PTPRR: variants seen among roughly 807,000 people sequenced by gnomAD.
PTPRR encodes receptor-type tyrosine-protein phosphatase R.
A neutral mutation model predicts 77.2 loss-of-function variants in PTPRR; 38 were observed. The ratio of observed to expected loss-of-function variants is 0.49; its 90% CI spans 0.38 to 0.65. The LOEUF (loss-of-function observed/expected upper bound fraction) is 0.65. Ranked by LOEUF, PTPRR falls within the 30% of genes least tolerant of loss-of-function variation. PTPRR has a pLI of 0.00. For missense variants in PTPRR, 744 were observed against 799.2 expected, an observed-to-expected ratio of 0.93 and a Z score of 0.83; for synonymous variants, 299 against 283.1, an observed-to-expected ratio of 1.06 and a Z score of -0.57.
intron 2 of PTPRR, among the ~76,000 whole-genome samples, chr12:70,832,019 A>G (rs574862343): frequency 3.3e-5 from 5 of 152,380 alleles, no homozygotes; most frequent in Non-Finnish European, 5.9e-5. Flanking sequence ...CTAAATAGAT[A>G]TAACTTTATC....
intron 1 of PTPRR, among the ~76,000 whole-genome samples, chr12:70,915,857 A>G (rs1893767623): frequency 6.6e-6 from 1 of 152,174 alleles, no homozygotes; most frequent in African/African-American, 2.4e-5. Flanking sequence ...TGCAAAAAGA[A>G]GAGACCAGAA....
chr12:70,713,105 C>T (rs1888891182), intron 6 of PTPRR, among the ~76,000 whole-genome samples: 1 of 152,172 alleles, frequency 6.6e-6, no homozygotes, highest in South Asian at 2.1e-4. Flanking sequence ...TGTAGATTTA[C>T]CTGCTTTGGA....
chr12:70,644,333 A>G (rs1886118765), intron 13 of PTPRR, among the ~76,000 whole-genome samples: 1 of 152,220 alleles, frequency 6.6e-6, no homozygotes, highest in African/African-American at 2.4e-5. Flanking sequence ...TTAGTTTACC[A>G]AAAAAGAGTA....
intron 2 of PTPRR, among the ~76,000 whole-genome samples, chr12:70,829,910 A>G (rs1207733148): frequency 6.6e-6 from 1 of 152,208 alleles, no homozygotes; most frequent in Non-Finnish European, 1.5e-5. Context: ...GGATACATTG[A>G]GCAGATACTT....
intron 6 of PTPRR, among the ~76,000 whole-genome samples, chr12:70,718,753 T>C (rs1486448769): frequency 1.3e-5 from 2 of 152,208 alleles, no homozygotes; most frequent in African/African-American, 4.8e-5. Context: ...GTAGATGAGG[T>C]GAAATGTTTA....
chr12:70,726,895 G>T (rs778865152), intron 6 of PTPRR, among the ~76,000 whole-genome samples: 1 of 151,996 alleles, frequency 6.6e-6, no homozygotes, highest in African/African-American at 2.4e-5. Context: ...TTTACAAAAT[G>T]CATTTCTTCC....
At chr12:70,782,630 T>C (rs1316523348) in intron 2 of PTPRR, among the ~76,000 whole-genome samples, 2 of 151,848 alleles carry the variant, frequency 1.3e-5, no homozygotes, top group South Asian at 2.1e-4. Context: ...ATAGTGGGAA[T>C]TGAACAATGA....
At chr12:70,772,108 A>G (rs1890991551) in intron 2 of PTPRR, among the ~76,000 whole-genome samples, 1 of 152,164 alleles carries the variant, frequency 6.6e-6, no homozygotes, top group Admixed American at 6.5e-5. Context: ...TACTGTATGT[A>G]TTTTCAAAAA....
intron 2 of PTPRR, 121 bp downstream of exon 2, chr12:70,892,558 G>A: frequency 2.6e-6 from 3 of 1,160,306 alleles, no homozygotes; most frequent in Non-Finnish European, 3.7e-6. Flanking sequence ...AATAAGTGCT[G>A]TGGTACATAC....
chr12:70,857,957 A>G (rs1416209112), intron 2 of PTPRR, among the ~76,000 whole-genome samples: 1 of 152,018 alleles, frequency 6.6e-6, no homozygotes, highest in Non-Finnish European at 1.5e-5. Context: ...TCCCTTCAAG[A>G]AAGGACTTGT....
chr12:70,694,937 T>C (rs1166643600), intron 8 of PTPRR, among the ~76,000 whole-genome samples: 2 of 152,232 alleles, frequency 1.3e-5, no homozygotes, highest in Admixed American at 6.5e-5. Context: ...TGTATGATTG[T>C]TTTTTCCTAC....
intron 10 of PTPRR, among the ~76,000 whole-genome samples, chr12:70,678,181 T>A (rs1566062160): frequency 6.6e-6 from 1 of 152,050 alleles, no homozygotes; most frequent in Non-Finnish European, 1.5e-5. Flanking sequence ...GCTGGGATTA[T>A]AGGCACGCAC....
chr12:70,910,596 A>G (rs1400471763), intron 1 of PTPRR, among the ~76,000 whole-genome samples: 1 of 152,200 alleles, frequency 6.6e-6, no homozygotes, highest in African/African-American at 2.4e-5. Flanking sequence ...GCTTCAGTTA[A>G]TGCTCAGATT....
intron 2 of PTPRR, among the ~76,000 whole-genome samples, chr12:70,839,280 TC>T (rs1892354636): frequency 3.3e-5 from 5 of 151,834 alleles, no homozygotes; most frequent in Admixed American, 3.3e-4. Flanking sequence ...TGAACTAATA[TC>T]CCATCTCAGT....
intron 1 of PTPRR, among the ~76,000 whole-genome samples, chr12:70,913,384 G>T (rs748411510): frequency 6.6e-6 from 1 of 152,112 alleles, no homozygotes; most frequent in Non-Finnish European, 1.5e-5. Flanking sequence ...TGAAGCCACT[G>T]TCTCACACTC....
intron 6 of PTPRR, among the ~76,000 whole-genome samples, chr12:70,728,509 G>A (rs61634648): frequency 1.1e-5 from 1 of 94,458 alleles, no homozygotes; most frequent in Non-Finnish European, 2.1e-5. Flanking sequence ...TATGTATATG[G>A]CAAATATTCC....
chr12:70,894,726 G>T (rs1421336822), intron 1 of PTPRR, among the ~76,000 whole-genome samples: 1 of 151,644 alleles, frequency 6.6e-6, no homozygotes, highest in Non-Finnish European at 1.5e-5. Flanking sequence ...ATCCTGTTCT[G>T]AATTCCATTA....
chr12:70,833,976 G>A (rs1892259835), intron 2 of PTPRR, among the ~76,000 whole-genome samples: 1 of 152,132 alleles, frequency 6.6e-6, no homozygotes, highest in African/African-American at 2.4e-5. Context: ...TATTCAGACA[G>A]TTATTGATTT....
At chr12:70,704,781 A>G (rs1888557210) in intron 6 of PTPRR, among the ~76,000 whole-genome samples, 1 of 152,136 alleles carries the variant, frequency 6.6e-6, no homozygotes, top group Non-Finnish European at 1.5e-5. Context: ...ATTTAGAAAA[A>G]AAATCAACAT....
Sources: allele counts gnomAD v4.1 joint callset (sites outside exome capture counted in the v4.1 genomes callset), GRCh38; gene constraint gnomAD v4.1.1; transcripts MANE v1.5; gene names NCBI Gene and HGNC (gene_info 2026-07-23, HGNC 2026-07-21).